The following ATP6V0D2 variants were observed in gnomAD, a reference collection of about 807,000 sequenced individuals.
ATP6V0D2 encodes the protein ATPase H+ transporting V0 subunit d2.
ATP6V0D2 carries 40 observed loss-of-function variants against 40.0 expected under a neutral mutation model. That is an observed-to-expected ratio of 1.00 (90% CI 0.78 to 1.30). The LOEUF (loss-of-function observed/expected upper bound fraction) is 1.30. Among genes scored for constraint, ATP6V0D2 ranks in the 50% most tolerant of loss-of-function variants. The pLI, the probability that ATP6V0D2 is intolerant of heterozygous loss-of-function variation, is 0.00. For missense variants in ATP6V0D2, 470 were observed against 423.1 expected (o/e 1.11, Z -0.97); for synonymous variants, 179 against 156.3 (o/e 1.15, Z -1.08).
At chr8:86,114,888 A>G (rs1438489822) in intron 2 of ATP6V0D2, among the ~76,000 whole-genome samples, 1 of 152,180 alleles carries the variant, frequency 6.6e-6, no homozygotes, top group African/African-American at 2.4e-5. Flanking sequence ...AAAGTTCTGA[A>G]GACTAGGTCC....
At chr8:86,115,159 TATA>T (rs1400506133) in intron 2 of ATP6V0D2, among the ~76,000 whole-genome samples, 1 of 151,592 alleles carries the variant, frequency 6.6e-6, no homozygotes, top group East Asian at 1.9e-4. Context: ...TCCAAGAAAA[TATA>T]ATAAGAGAAA....
At chr8:86,149,052 G>GCAAAAA (rs1819107111) in intron 5 of ATP6V0D2, among the ~76,000 whole-genome samples, 1 of 69,000 alleles carries the variant, frequency 1.4e-5, no homozygotes, top group African/African-American at 6.6e-5. Flanking sequence ...ATCTCCAAAG[G>GCAAAAA]AAGAAAAAAA....
At chr8:86,151,854 A>C (rs1310276404) in intron 7 of ATP6V0D2, among the ~76,000 whole-genome samples, 1 of 151,512 alleles carries the variant, frequency 6.6e-6, no homozygotes, top group Non-Finnish European at 1.5e-5. Context: ...TTGCTGAAGA[A>C]CATTATTACA....
intron 2 of ATP6V0D2, among the ~76,000 whole-genome samples, chr8:86,115,555 G>T (rs1355365696): frequency 6.6e-6 from 1 of 151,446 alleles, no homozygotes; most frequent in East Asian, 1.9e-4. Context: ...TTTTAGTAGA[G>T]ATGGGGGTTT....
At chr8:86,128,464 A>C (rs1441088142) in intron 2 of ATP6V0D2, among the ~76,000 whole-genome samples, 1 of 152,236 alleles carries the variant, frequency 6.6e-6, no homozygotes, top group Admixed American at 6.5e-5. Context: ...CACCAAGTTA[A>C]ATGTTCTCTC....
At chr8:86,143,221 C>A (rs1278606042) in intron 5 of ATP6V0D2, among the ~76,000 whole-genome samples, 1 of 152,038 alleles carries the variant, frequency 6.6e-6, no homozygotes, top group African/African-American at 2.4e-5. Context: ...GGTTATGATT[C>A]ATTTTAATGT....
rs1293919044 is a variant in ATP6V0D2 at position 86,153,605 on chromosome 8, C to T, written c.*628C>T. On this transcript the variant is annotated 3_prime_UTR_variant, in exon 8 of 8. Coordinates refer to ENST00000285393, the MANE Select transcript of ATP6V0D2 (RefSeq NM_152565.1). Reference sequence around the variant, plus strand: ...TCCTGGGCTCCAGGGATCCACAGTCCCCCTTGGCCTCCCAAAGTGTTGGGA... The same window carrying T: ...TCCTGGGCTCCAGGGATCCACAGTCTCCCTTGGCCTCCCAAAGTGTTGGGA... 6.6e-6 allele frequency: 1 copy of T among 152,234 alleles called. No homozygotes were observed. Among genetic ancestry groups the T allele is most frequent in the Admixed American group, 6.6e-5 (1 of 15,264 alleles). The allele number at this position is 152,234 out of a possible 1,614,324, so 9.4% of individuals were successfully genotyped here. A position where few individuals can be genotyped will look rare whatever the true frequency, so the allele number is the denominator to read the frequency against.
chr8:86,122,704 C>A (rs1180096365), intron 2 of ATP6V0D2, among the ~76,000 whole-genome samples: 2 of 152,082 alleles, frequency 1.3e-5, no homozygotes, highest in Admixed American at 1.3e-4. Flanking sequence ...ATGAGAGGAA[C>A]CTAGAGGACT....
chr8:86,131,967 G>A (rs1478149141), intron 2 of ATP6V0D2, among the ~76,000 whole-genome samples: 1 of 152,140 alleles, frequency 6.6e-6, no homozygotes, highest in Non-Finnish European at 1.5e-5. Flanking sequence ...GGAGACAGGA[G>A]TGATTATAAG....
intron 2 of ATP6V0D2, among the ~76,000 whole-genome samples, chr8:86,128,107 G>A (rs1818770700): frequency 6.6e-6 from 1 of 152,182 alleles, no homozygotes; most frequent in Admixed American, 6.5e-5. Flanking sequence ...AGTGGCTCAT[G>A]CCTGTAATCC....
intron 1 of ATP6V0D2, among the ~76,000 whole-genome samples, chr8:86,105,686 C>A (rs1488477316): frequency 6.8e-6 from 1 of 147,334 alleles, no homozygotes; most frequent in Non-Finnish European, 1.5e-5. Flanking sequence ...GCGATCTCGG[C>A]TCACTGCAAG....
At position 86,139,443 on chromosome 8, in the gene ATP6V0D2, G is replaced by A; in HGVS notation, c.303-14G>A. 1 of 1,589,260 alleles carries A rather than the reference G, an allele frequency of 6.3e-7. No homozygotes were observed. The highest frequency in any genetic ancestry group is 8.6e-7 in the Non-Finnish European group (1 of 1,169,036). ...GCAGCTGTCCTCTAATGATTGAGTT[G>A]TCTTCTGAACCAGGTGCAGTTATAT... On this transcript the variant is annotated splice_polypyrimidine_tract_variant and intron_variant, in intron 2 of 7. Coordinates refer to ENST00000285393, the MANE Select transcript of ATP6V0D2 (RefSeq NM_152565.1).
At chr8:86,127,352 G>T (rs1164906435) in intron 2 of ATP6V0D2, among the ~76,000 whole-genome samples, 1 of 151,964 alleles carries the variant, frequency 6.6e-6, no homozygotes, top group Admixed American at 6.6e-5. Context: ...AAATATATTT[G>T]GTGTACTTTT....
chr8:86,111,622 A>T (rs1033456889), intron 1 of ATP6V0D2, among the ~76,000 whole-genome samples: 1 of 152,174 alleles, frequency 6.6e-6, no homozygotes, highest in African/African-American at 2.4e-5. Flanking sequence ...TTGCTAGATC[A>T]TAGGGGGTTC....
chr8:86,130,718 A>G (rs1189457625), intron 2 of ATP6V0D2, among the ~76,000 whole-genome samples: 1 of 151,768 alleles, frequency 6.6e-6, no homozygotes, highest in African/African-American at 2.4e-5. Context: ...CCTGAGAAGC[A>G]CTCCCTCCCC....
Position 86,120,520 on chromosome 8 carries a change from T to C in ATP6V0D2, c.302+6640T>C, listed in dbSNP as rs181386920. 2.6e-5 allele frequency among the ~76,000 whole-genome samples: 4 copies of C among 152,212 alleles called. No homozygotes were observed. The East Asian group carries it at 7.7e-4, about 29-fold the overall frequency. Reference sequence around the variant, plus strand: ...GATCATTTAAGTGCAGGAGTTTGATTCACCAGCCTGGGCAACACAGCAAGA... The same window carrying C: ...GATCATTTAAGTGCAGGAGTTTGATCCACCAGCCTGGGCAACACAGCAAGA... On this transcript the variant is annotated intron_variant, in intron 2 of 7. Coordinates refer to ENST00000285393, the MANE Select transcript of ATP6V0D2 (RefSeq NM_152565.1).
At chr8:86,122,643 TA>T (rs1464210126) in intron 2 of ATP6V0D2, among the ~76,000 whole-genome samples, 1 of 152,130 alleles carries the variant, frequency 6.6e-6, no homozygotes, top group Admixed American at 6.6e-5. Context: ...ACAAATGGTG[TA>T]AAAGTAAGAC....
intron 2 of ATP6V0D2, among the ~76,000 whole-genome samples, chr8:86,114,755 G>T (rs1281801224): frequency 6.6e-6 from 1 of 152,138 alleles, no homozygotes; most frequent in African/African-American, 2.4e-5. Flanking sequence ...TTTACTTAGT[G>T]CTCAAATGGA....
intron 2 of ATP6V0D2, among the ~76,000 whole-genome samples, chr8:86,131,303 G>A (rs939578415): frequency 3.9e-5 from 6 of 152,002 alleles, no homozygotes; most frequent in Non-Finnish European, 7.4e-5. Context: ...GATTTCAAGC[G>A]ATTCTCCTGC....
Sources: gnomAD v4.1 joint callset for allele counts (sites outside exome capture counted in the v4.1 genomes callset) on GRCh38, gnomAD v4.1.1 for gene constraint, MANE v1.5 for transcripts, NCBI Gene and HGNC (gene_info 2026-07-23, HGNC 2026-07-21) for gene names.